CCDC91: variants seen among roughly 807,000 people sequenced by gnomAD.
The protein encoded by CCDC91 is coiled-coil domain containing 91.
CCDC91 carries 48 observed loss-of-function variants against 63.2 expected under a neutral mutation model. The observed-to-expected ratio is 0.76, with a 90% confidence interval of 0.60 to 0.97. The LOEUF (loss-of-function observed/expected upper bound fraction) is 0.97, where lower values mean the gene tolerates loss of function less well. Among genes scored for constraint, CCDC91 ranks in the 50% least tolerant of loss-of-function variants. The pLI, the probability that CCDC91 is intolerant of heterozygous loss-of-function variation, is 0.00. For missense variants in CCDC91, 500 were observed against 494.6 expected, an observed-to-expected ratio of 1.01 and a Z score of -0.10; for synonymous variants, 167 against 165.8, an observed-to-expected ratio of 1.01 and a Z score of -0.06.
chr12:28,310,026 G>A (rs1356229833), intron 6 of CCDC91, among the ~76,000 whole-genome samples: 1 of 151,882 alleles, frequency 6.6e-6, no homozygotes, highest in African/African-American at 2.4e-5. Flanking sequence ...TTGGCATATA[G>A]TGCATGTTCA....
chr12:28,217,700 C>T (rs1235636221), intron 1 of CCDC91, among the ~76,000 whole-genome samples: 10 of 151,454 alleles, frequency 6.6e-5, no homozygotes, highest in South Asian at 2.1e-4. Context: ...ATGATGAAGG[C>T]GACCCTAGGC....
intron 12 of CCDC91, among the ~76,000 whole-genome samples, chr12:28,500,260 T>C (rs1468071913): frequency 1.3e-5 from 2 of 151,884 alleles, no homozygotes; most frequent in Non-Finnish European, 2.9e-5. Context: ...GTCAGATGGA[T>C]AGATTGCAAA....
chr12:28,235,823 C>G (rs548180660), intron 1 of CCDC91, among the ~76,000 whole-genome samples: 9 of 151,586 alleles, frequency 5.9e-5, no homozygotes, highest in Admixed American at 5.3e-4. Context: ...GGTACTTAAG[C>G]TGTGCGTAGT....
At chr12:28,471,120 A>G (rs1337841971) in intron 11 of CCDC91, among the ~76,000 whole-genome samples, 1 of 152,198 alleles carries the variant, frequency 6.6e-6, no homozygotes, top group Non-Finnish European at 1.5e-5. Context: ...TCTAGATTGT[A>G]AGACATGAGT....
At position 28,452,562 on chromosome 12, in the gene CCDC91, A is replaced by G; in HGVS notation, c.1009A>G (p.Arg337Gly). The G allele has an allele frequency of 6.3e-7, 1 of 1,593,580 alleles. No individual in the cohort carries two copies. The highest frequency in any genetic ancestry group is 8.6e-7 in the Non-Finnish European group (1 of 1,169,508). Residue 337 changes from arginine (R) to glycine (G), a missense_variant, in exon 11 of 13, where the codon AGG becomes GGG. Coordinates refer to ENST00000536442, the MANE Select transcript of CCDC91 (RefSeq NM_018318.5). The part of the protein sequence containing the change: ...KNLEKAHAEE[R>G]ELWKTEHAKD... Reference sequence around the variant, plus strand: ...TTTAGAAAAAGCGCATGCTGAAGAAAGGGAATTATGGAAGACAGAACATGC... The same window carrying G: ...TTTAGAAAAAGCGCATGCTGAAGAAGGGGAATTATGGAAGACAGAACATGC...
chr12:28,248,108 A>G (rs1314525159), intron 1 of CCDC91, among the ~76,000 whole-genome samples: 2 of 152,018 alleles, frequency 1.3e-5, no homozygotes, highest in Non-Finnish European at 2.9e-5. Flanking sequence ...GATTGATTTT[A>G]TATATGGGGT....
At chr12:28,364,201 C>T (rs1944117167) in intron 7 of CCDC91, among the ~76,000 whole-genome samples, 1 of 152,020 alleles carries the variant, frequency 6.6e-6, no homozygotes, top group African/African-American at 2.4e-5. Context: ...GCCTGGCCAA[C>T]ATGGTGAAAA....
chr12:28,246,264 AGG>A (rs1945725006), intron 1 of CCDC91, among the ~76,000 whole-genome samples: 1 of 152,148 alleles, frequency 6.6e-6, no homozygotes, highest in Non-Finnish European at 1.5e-5. Flanking sequence ...AAATAAATTA[AGG>A]ATTGTGAGTC....
At chr12:28,423,044 TAAAAG>T (rs1948104786) in intron 8 of CCDC91, among the ~76,000 whole-genome samples, 1 of 152,018 alleles carries the variant, frequency 6.6e-6, no homozygotes, top group Non-Finnish European at 1.5e-5. Flanking sequence ...AGGAAATTAT[TAAAAG>T]AAAACAGAAA....
At chr12:28,374,493 T>C (rs1290453236) in intron 7 of CCDC91, among the ~76,000 whole-genome samples, 2 of 152,190 alleles carry the variant, frequency 1.3e-5, no homozygotes, top group African/African-American at 2.4e-5. Flanking sequence ...GCTTCAAATA[T>C]TAATTTAAAC....
chr12:28,507,173 C>T (rs946429511), intron 12 of CCDC91, among the ~76,000 whole-genome samples: 1 of 151,886 alleles, frequency 6.6e-6, no homozygotes, highest in Non-Finnish European at 1.5e-5. Flanking sequence ...AAAAAACTTC[C>T]AGTGTTCTCC....
rs139250565 is a variant in CCDC91 at position 28,417,966 on chromosome 12, T to C, written c.762+26555T>C. Among the ~76,000 whole-genome samples the C allele has an allele frequency of 2.0e-5, 3 of 152,236 alleles. No individual in the cohort carries two copies. The East Asian group carries it at 5.8e-4, about 29-fold the overall frequency. On this transcript the variant is annotated intron_variant, in intron 8 of 12. Transcript: ENST00000536442. ...GTGTTATATTTTATCCATTTAGCAA[T>C]TGAAGGAAATTCAGGTTGTTTTCAG...
intron 3 of CCDC91, among the ~76,000 whole-genome samples, chr12:28,298,665 T>G (rs1937683941): frequency 6.6e-6 from 1 of 151,110 alleles, no homozygotes; most frequent in Non-Finnish European, 1.5e-5. Flanking sequence ...ATCCTATCCC[T>G]TTGCCTTTGT....
chr12:28,495,938 A>G (rs1236916548), intron 12 of CCDC91, among the ~76,000 whole-genome samples: 1 of 151,588 alleles, frequency 6.6e-6, no homozygotes, highest in Admixed American at 6.6e-5. Context: ...TTTTTAAAGA[A>G]TACCAGCTGA....
chr12:28,422,682 A>G (rs562920119), intron 8 of CCDC91, among the ~76,000 whole-genome samples: 62 of 152,264 alleles, frequency 4.1e-4, no homozygotes, highest in African/African-American at 1.3e-3. Flanking sequence ...CTCCACATAC[A>G]GTGAATTTAA....
At chr12:28,519,838 C>T (rs190445778) in intron 12 of CCDC91, among the ~76,000 whole-genome samples, 86 of 150,426 alleles carry the variant, frequency 5.7e-4, no homozygotes, top group African/African-American at 1.9e-3. Flanking sequence ...TCTGTCCTTG[C>T]GATAGTTTGC....
intron 11 of CCDC91, among the ~76,000 whole-genome samples, chr12:28,480,512 A>C (rs1451806986): frequency 1.3e-5 from 2 of 152,040 alleles, no homozygotes; most frequent in Admixed American, 1.3e-4. Flanking sequence ...GTAGGTATTT[A>C]GGACATATTT....
intron 12 of CCDC91, among the ~76,000 whole-genome samples, chr12:28,504,047 G>T (rs1382508373): frequency 6.6e-6 from 1 of 151,682 alleles, no homozygotes; most frequent in Non-Finnish European, 1.5e-5. Flanking sequence ...TAACTAACCT[G>T]CACATTGTGC....
intron 3 of CCDC91, among the ~76,000 whole-genome samples, chr12:28,294,714 A>G (rs1468877152): frequency 1.3e-5 from 2 of 151,936 alleles, no homozygotes; most frequent in African/African-American, 4.8e-5. Flanking sequence ...CTTCCCGAGT[A>G]GCTGGGATTA....
Sources: allele counts gnomAD v4.1 joint callset (sites outside exome capture counted in the v4.1 genomes callset), GRCh38; gene constraint gnomAD v4.1.1; transcripts MANE v1.5; gene names NCBI Gene and HGNC (gene_info 2026-07-23, HGNC 2026-07-21).